Variants in PXDNL observed in about 807,000 individuals in gnomAD.
The protein encoded by PXDNL is peroxidasin like.
In PXDNL, 145 loss-of-function variants were observed where a neutral mutation model predicts 150.8. The ratio of observed to expected loss-of-function variants is 0.96; its 90% CI spans 0.84 to 1.10. The LOEUF (loss-of-function observed/expected upper bound fraction) is 1.10, where lower values mean the gene tolerates loss of function less well. PXDNL is among the 50% of genes least tolerant of loss of function. PXDNL has a pLI of 0.00. For missense variants in PXDNL, 2,087 were observed against 1,873.9 expected, an observed-to-expected ratio of 1.11 and a Z score of -2.10; for synonymous variants, 757 against 725.7, an observed-to-expected ratio of 1.04 and a Z score of -0.69.
intron 1 of PXDNL, among the ~76,000 whole-genome samples, chr8:51,793,368 C>T (rs940972639): frequency 2.0e-5 from 3 of 152,200 alleles, no homozygotes; most frequent in Non-Finnish European, 4.4e-5. Flanking sequence ...TAATATCACT[C>T]ATGAAGATGA....
intron 19 of PXDNL, among the ~76,000 whole-genome samples, chr8:51,349,358 C>G (rs926391585): frequency 1.3e-5 from 2 of 152,188 alleles, no homozygotes; most frequent in African/African-American, 4.8e-5. Context: ...CAATCCACAG[C>G]CAATGATCCT....
intron 3 of PXDNL, among the ~76,000 whole-genome samples, chr8:51,581,045 G>T (rs1056037700): frequency 2.0e-5 from 3 of 152,108 alleles, no homozygotes; most frequent in Non-Finnish European, 4.4e-5. Context: ...CAGGCAGAAA[G>T]GTGGCTGATT....
intron 1 of PXDNL, among the ~76,000 whole-genome samples, chr8:51,751,911 G>GGTT (rs1389227487): frequency 1.3e-5 from 2 of 152,180 alleles, no homozygotes; most frequent in Admixed American, 6.5e-5. Context: ...ACAAACTGAG[G>GGTT]GTTGGGCTGC....
intron 17 of PXDNL, among the ~76,000 whole-genome samples, chr8:51,406,702 T>C (rs1381730992): frequency 1.3e-5 from 2 of 152,162 alleles, no homozygotes; most frequent in Non-Finnish European, 2.9e-5. Context: ...CTGTGAGCCT[T>C]CCATTTCTCA....
intron 1 of PXDNL, among the ~76,000 whole-genome samples, chr8:51,763,967 A>G (rs2037196911): frequency 6.6e-6 from 1 of 152,172 alleles, no homozygotes; most frequent in Admixed American, 6.5e-5. Flanking sequence ...AATTTTTAAA[A>G]TTACTAATTT....
intron 4 of PXDNL, among the ~76,000 whole-genome samples, chr8:51,519,489 C>T (rs1465217189): frequency 6.6e-6 from 1 of 151,918 alleles, no homozygotes; most frequent in Admixed American, 6.6e-5. Flanking sequence ...GCAGACTTTG[C>T]ACCACTGCAC....
intron 17 of PXDNL, among the ~76,000 whole-genome samples, chr8:51,388,722 T>C (rs765361732): frequency 2.0e-5 from 3 of 152,184 alleles, no homozygotes; most frequent in African/African-American, 4.8e-5. Flanking sequence ...CAATCTTTTC[T>C]CCCTATCTCT....
chr8:51,614,721 G>T (rs1408427149), intron 2 of PXDNL, among the ~76,000 whole-genome samples: 1 of 151,990 alleles, frequency 6.6e-6, no homozygotes, highest in Non-Finnish European at 1.5e-5. Context: ...CAAGTTTTAT[G>T]AAAATAATGA....
At chr8:51,456,956 G>A (rs1393089706) in intron 9 of PXDNL, among the ~76,000 whole-genome samples, 1 of 152,194 alleles carries the variant, frequency 6.6e-6, no homozygotes, top group African/African-American at 2.4e-5. Context: ...GATGGGCTCA[G>A]TAAGGTGAGA....
chr8:51,762,501 C>T, intron 1 of PXDNL, among the ~76,000 whole-genome samples: 1 of 152,208 alleles, frequency 6.6e-6, no homozygotes, highest in Non-Finnish European at 1.5e-5. Flanking sequence ...CACAATAAAA[C>T]ATGGTCTCCA....
Position 51,809,216 on chromosome 8 carries a change from G to T in PXDNL, c.129C>A (p.Asp43Glu). Reference sequence around the variant, plus strand: ...TCTGCTGTGGTACCTGAGGAATGTGGTCCAGCATCAAGTGCATGCAGCGGA... The same window carrying T: ...TCTGCTGTGGTACCTGAGGAATGTGTTCCAGCATCAAGTGCATGCAGCGGA... ...STVRCMHLML[D>E]HIPQVPQQTT... The change falls in exon 1 of 23, where the codon GAC becomes GAA. Residue 43 changes from aspartate to glutamate, a missense_variant. Asp to Glu is a conservative substitution (Grantham distance 45, BLOSUM62 2). Coordinates refer to ENST00000356297, the MANE Select transcript of PXDNL (RefSeq NM_144651.5). The T allele has an allele frequency of 6.2e-7, 1 of 1,613,782 alleles. No homozygotes were observed. Among genetic ancestry groups the T allele is most frequent in the African/African-American group, 1.3e-5 (1 of 75,044 alleles).
chr8:51,784,453 A>ATCTTTCATATCCCATTT (rs1429023964), intron 1 of PXDNL, among the ~76,000 whole-genome samples: 1 of 152,224 alleles, frequency 6.6e-6, no homozygotes, highest in African/African-American at 2.4e-5. Flanking sequence ...TATCTGCCAT[A>ATCTTTCATATCCCATTT]AAGGCAATGG....
At chr8:51,690,932 A>T (rs1245828600) in intron 1 of PXDNL, among the ~76,000 whole-genome samples, 1 of 151,978 alleles carries the variant, frequency 6.6e-6, no homozygotes, top group Non-Finnish European at 1.5e-5. Context: ...GATGATGAGC[A>T]TTTTTTCATG....
intron 3 of PXDNL, among the ~76,000 whole-genome samples, chr8:51,571,135 TTCTA>T (rs1024089702): frequency 2.0e-5 from 3 of 151,728 alleles, no homozygotes; most frequent in Non-Finnish European, 4.4e-5. Flanking sequence ...GACAGTAAAA[TTCTA>T]TCTATTAACA....
intron 21 of PXDNL, among the ~76,000 whole-genome samples, chr8:51,322,019 T>TA (rs1233612093): frequency 1.3e-5 from 2 of 152,118 alleles, no homozygotes; most frequent in African/African-American, 2.4e-5. Flanking sequence ...GGTGTCCTTG[T>TA]AAAAAAGAGG....
chr8:51,710,973 A>C (rs1173441793), intron 1 of PXDNL, among the ~76,000 whole-genome samples: 1 of 152,154 alleles, frequency 6.6e-6, no homozygotes, highest in Non-Finnish European at 1.5e-5. Flanking sequence ...AAGAATGCCC[A>C]CTCTCACCAT....
intron 6 of PXDNL, among the ~76,000 whole-genome samples, chr8:51,476,289 C>G (rs1810473749): frequency 6.6e-6 from 1 of 152,202 alleles, no homozygotes; most frequent in Non-Finnish European, 1.5e-5. Context: ...ACGCAGCTCC[C>G]CCAGGAGTTG....
chr8:51,483,717 GA>G lies in PXDNL; in HGVS notation c.453-4del. On this transcript the variant is annotated splice_polypyrimidine_tract_variant and splice_region_variant and intron_variant, in intron 5 of 22. Coordinates refer to ENST00000356297, the MANE Select transcript of PXDNL (RefSeq NM_144651.5). ...ATAATTTGTTGTTATGCAAAAATCT[GA>G]AAAAGAAAAGATAAACTTTAATCAC... 1 of 1,447,784 alleles carries G rather than the reference GA, an allele frequency of 6.9e-7. No individual in the cohort carries two copies. The highest frequency in any genetic ancestry group is 9.5e-7 in the Non-Finnish European group (1 of 1,057,920). 89.7% of individuals were successfully genotyped at this position (1,447,784 alleles called of 1,614,324 possible). A position where few individuals can be genotyped will look rare whatever the true frequency, so the allele number is the denominator to read the frequency against.
Position 51,684,185 on chromosome 8 carries a change from G to C in PXDNL, c.165-29425C>G, listed in dbSNP as rs77456613. Among the ~76,000 whole-genome samples the C allele has an allele frequency of 8.6e-3, 1,308 of 152,250 alleles. 24 individuals carry two copies. The highest frequency in any genetic ancestry group is 0.03 in the African/African-American group (1,254 of 41,546). ...TCTATAATGATTTCTAACAGGAAAG[G>C]AGCAGTCATTGTGTCCAGTTCACAG... On this transcript the variant is annotated intron_variant, in intron 1 of 22. Transcript: ENST00000356297.
Sources: gnomAD v4.1 joint callset for allele counts (sites outside exome capture counted in the v4.1 genomes callset) on GRCh38, gnomAD v4.1.1 for gene constraint, MANE v1.5 for transcripts, NCBI Gene and HGNC (gene_info 2026-07-23, HGNC 2026-07-21) for gene names.